The following ADCY4 variants were observed in gnomAD, a reference collection of about 807,000 sequenced individuals.
ADCY4 encodes adenylate cyclase type 4.
In ADCY4, 111 loss-of-function variants were observed where a neutral mutation model predicts 125.5. The observed-to-expected ratio is 0.88, with a 90% CI of 0.76 to 1.04. The LOEUF is 1.04. ADCY4 is among the 50% of genes least tolerant of loss of function. The pLI, the probability that ADCY4 is intolerant of heterozygous loss-of-function variation, is 0.00. For synonymous variants in ADCY4, 576 were observed against 586.9 expected (o/e 0.98, Z 0.27); for missense variants, 1,256 against 1,382.9 (o/e 0.91, Z 1.46).
At position 24,332,963 on chromosome 14, in the gene ADCY4, A is replaced by T. The variant is rs2042070155; in HGVS notation, c.185T>A (p.Leu62Gln). 1 of 1,557,624 alleles carries T rather than the reference A, an allele frequency of 6.4e-7. No individual in the cohort carries two copies. The highest frequency in any genetic ancestry group is 1.4e-5 in the African/African-American group (1 of 73,430). The change falls in exon 2 of 25, where the codon CTG becomes CAG. Residue 62 changes from leucine to glutamine, a missense_variant. Leu to Gln is a moderately radical substitution (Grantham distance 113, BLOSUM62 -2). Transcript: ENST00000418030. Reference protein sequence around the residue: ...GRELTSDPSFLTTVLCALGGF... With the variant: ...GRELTSDPSFQTTVLCALGGF... ...GCCCAGCGCGCACAGCACAGTGGTC[A>T]GGAAGCTCGGGTCTGAGGTCAGCTC...
At position 24,334,803 on chromosome 14, in the gene ADCY4, C is replaced by G; in HGVS notation, c.-151G>C. On this transcript the variant is annotated 5_prime_UTR_variant, in exon 1 of 25. Transcript: ENST00000418030. ...CTCGTGGCAATCCCGTCTCCTTTTT[C>G]AGGCCCTCCCTGCGGCCTCCCAGCC... The G allele has an allele frequency of 1.6e-6, 1 of 639,226 alleles. No individual in the cohort carries two copies. Among genetic ancestry groups the G allele is most frequent in the Non-Finnish European group, 2.6e-6 (1 of 383,290 alleles). The allele number at this position is 639,226 out of a possible 1,614,324, so 39.6% of individuals were successfully genotyped here. A position where few individuals can be genotyped will look rare whatever the true frequency, so the allele number is the denominator to read the frequency against.
chr14:24,334,343 C>T, intron 1 of ADCY4, 151 bp downstream of exon 1: 1 of 1,339,270 alleles, frequency 7.5e-7, no homozygotes, highest in Non-Finnish European at 9.8e-7. Flanking sequence ...GAGTGACTTG[C>T]CCAGGGTCAC....
rs1594674299 is a variant in ADCY4 at position 24,334,877 on chromosome 14, C to T, written c.-225G>A. On this transcript the variant is annotated 5_prime_UTR_variant, in exon 1 of 25. Coordinates refer to ENST00000418030, the MANE Select transcript of ADCY4 (RefSeq NM_001198568.2). ...ATCCCTCAGTCCTTTCCTCCTCCTCCCTCAAACCCGGATTGTAGAGGTGCC... is the reference window on the plus strand; with the variant it reads ...ATCCCTCAGTCCTTTCCTCCTCCTCTCTCAAACCCGGATTGTAGAGGTGCC... 11 of 529,364 alleles carry T rather than the reference C, an allele frequency of 2.1e-5. No individual in the cohort carries two copies. The South Asian group carries it at 2.8e-4, about 13-fold the overall frequency. The allele number at this position is 529,364 out of a possible 1,614,324, so 32.8% of individuals were successfully genotyped here.
chr14:24,321,749 T>C (rs2041855330), intron 20 of ADCY4: 3 of 1,038,200 alleles, frequency 2.9e-6, no homozygotes, highest in South Asian at 4.2e-5. Context: ...CAACAGGTCA[T>C]GGACTAGTAT....
chr14:24,330,822 T>G, intron 6 of ADCY4, 196 bp downstream of exon 6: 1 of 571,142 alleles, frequency 1.8e-6, no homozygotes, highest in Non-Finnish European at 3.1e-6. Flanking sequence ...GGGATCTCTG[T>G]AGGTTTGAGG....
Position 24,319,993 on chromosome 14 carries a change from GT to G in ADCY4, c.2587-106del. On this transcript the variant is annotated intron_variant, in intron 20 of 24. Transcript: ENST00000418030. The surrounding 1 kb of genome is among the most constrained non-coding windows in gnomAD (Gnocchi z 4.5). The stretch of plus-strand genomic sequence containing the variant: ...CCATGTCCACACTCCTGGTCTCCCT[GT>G]TTAAGAAGAATTGGGAAGGAGGGAG... The G allele has an allele frequency of 7.2e-7, 1 of 1,381,190 alleles. No homozygotes were observed. The highest frequency in any genetic ancestry group is 9.8e-7 in the Non-Finnish European group (1 of 1,024,012). The allele number at this position is 1,381,190 out of a possible 1,614,324, so 85.6% of individuals were successfully genotyped here.
intron 20 of ADCY4, chr14:24,321,666 T>C (rs1170965323): frequency 6.1e-6 from 2 of 330,260 alleles, no homozygotes; most frequent in Non-Finnish European, 8.8e-6. Flanking sequence ...ATGCTGCTAC[T>C]GATCTGACAA....
chr14:24,330,358 T>C (rs770126918), intron 6 of ADCY4, 63 bp from the exon 7 acceptor site: 252 of 1,603,312 alleles, frequency 1.6e-4, no homozygotes, highest in South Asian at 1.5e-4. Context: ...TAGGAGGGAG[T>C]TGGGAAAAGT....
intron 19 of ADCY4, 122 bp downstream of exon 19, chr14:24,322,502 A>T (rs1225909829): frequency 9.3e-7 from 1 of 1,074,056 alleles, no homozygotes; most frequent in Non-Finnish European, 1.3e-6. Context: ...GAAGAAAGGA[A>T]GCAGGAAGGC....
intron 3 of ADCY4, 147 bp from the exon 4 acceptor site, chr14:24,332,084 A>ACCACTTG: frequency 9.5e-7 from 1 of 1,057,096 alleles, no homozygotes; most frequent in South Asian, 2.4e-5. Context: ...ACACTGTGGC[A>ACCACTTG]TCCCTAGGGA....
Position 24,318,722 on chromosome 14 carries a change from CAT to C in ADCY4, c.3011_3012del (p.Tyr1004Ter). ...ACGTTCACTGTGTTGCCCCAAATGTCATATTGCGGCTTCTGGGCCCCAATAAC... is the reference window on the plus strand; with the variant it reads ...ACGTTCACTGTGTTGCCCCAAATGTCATTGCGGCTTCTGGGCCCCAATAAC... ...AGVIGAQKPQ[Y>X]DIWGNTVNVA... On this transcript the variant is annotated frameshift_variant, in exon 24 of 25. Coordinates refer to ENST00000418030, the MANE Select transcript of ADCY4 (RefSeq NM_001198568.2). LOFTEE classifies it high-confidence loss of function. 6.2e-7 allele frequency: 1 copy of C among 1,614,174 alleles called. No individual in the cohort carries two copies.
chr14:24,329,150 T>A lies in ADCY4; in HGVS notation c.1435A>T (p.Thr479Ser), dbSNP rs1395928021. The change falls in exon 10 of 25, where the codon ACC (threonine) becomes TCC (serine). Residue 479 changes from threonine (T) to serine (S), a missense_variant. Transcript: ENST00000418030. ...GCGCCCCAGGACTCCAGGTAACGGG[T>A]CATCAGCAGTGATGGACGCATCTTG... Reference protein sequence around the residue: ...GLKMRPSLLMTRYLESWGAAK... With the variant: ...GLKMRPSLLMSRYLESWGAAK... 2.5e-6 allele frequency: 4 copies of A among 1,613,578 alleles called. No individual in the cohort carries two copies. The Admixed American group carries it at 6.7e-5, about 27-fold the overall frequency.
chr14:24,332,485 C>A (rs1437990246), intron 3 of ADCY4, 37 bp downstream of exon 3: 2 of 1,546,016 alleles, frequency 1.3e-6, no homozygotes, highest in African/African-American at 1.4e-5. Context: ...CGTGGCAGAG[C>A]CGTCCTGAGC....
intron 20 of ADCY4, among the ~76,000 whole-genome samples, chr14:24,321,248 T>TA (rs199898653): frequency 7.6e-5 from 5 of 66,186 alleles, no homozygotes; most frequent in African/African-American, 1.8e-4. Flanking sequence ...CTGTCTCTAC[T>TA]AAAAAAAAAA....
At chr14:24,320,071 A>G (rs1361035667) in intron 20 of ADCY4, among the ~76,000 whole-genome samples, 183 bp from the exon 21 acceptor site, 1 of 152,140 alleles carries the variant, frequency 6.6e-6, no homozygotes, top group African/African-American at 2.4e-5. Context: ...CAAAGCTTAG[A>G]TCTCATTGTA....
chr14:24,326,443 T>A (rs993795930), intron 10 of ADCY4, 101 bp from the exon 11 acceptor site: 34 of 1,418,830 alleles, frequency 2.4e-5, no homozygotes, highest in East Asian at 2.3e-5. Context: ...TCTTTGACCT[T>A]GGGCATTTCA....
Position 24,329,870 on chromosome 14 carries a change from C to T in ADCY4, c.1207G>A (p.Gly403Ser), listed in dbSNP as rs199942560. 11 of 1,613,518 alleles carry T rather than the reference C, an allele frequency of 6.8e-6. No homozygotes were observed. Among genetic ancestry groups the T allele is most frequent in the East Asian group, 6.7e-5 (3 of 44,874 alleles). The change falls in exon 8 of 25, where the codon GGT becomes AGT. Residue 403 changes from glycine (G) to serine (S), a missense_variant. Physicochemically the swap from Gly to Ser is moderately conservative, Grantham distance 56. Coordinates refer to ENST00000418030, the MANE Select transcript of ADCY4 (RefSeq NM_001198568.2). ...GGCCCTAGGTCTCACCCTGGTACAC[C>T]GCCTGCCTCCATGTGGTTAGCCAGT... ...VTLANHMEAG[G>S]VPGRVHITGA... is the part of the protein sequence containing the mutation.
At position 24,331,032 on chromosome 14, in the gene ADCY4, C is replaced by T. The variant is rs369609573; in HGVS notation, c.916G>A (p.Asp306Asn). 1.0e-5 allele frequency: 16 copies of T among 1,607,536 alleles called. No homozygotes were observed. The highest frequency in any genetic ancestry group is 1.1e-5 in the Non-Finnish European group (13 of 1,175,224). ...LMLNELFGKF[D>N]QIAKEHECMR... is the part of the protein sequence containing the mutation. ...TCTTCTCTGACCTTGGCAATCTGGT[C>T]GAACTTGCCAAAGAGCTCATTGAGC... The change falls in exon 6 of 25, where the codon GAC becomes AAC. Residue 306 changes from aspartate to asparagine, a missense_variant. Transcript: ENST00000418030.
At chr14:24,323,486 G>A (rs2041889237) in intron 16 of ADCY4, 32 bp from the exon 17 acceptor site, 1 of 1,550,496 alleles carries the variant, frequency 6.4e-7, no homozygotes, top group Admixed American at 2.0e-5. Context: ...GAAGAGGCAG[G>A]TAGCTTCTTG....
Sources: allele counts gnomAD v4.1 joint callset (sites outside exome capture counted in the v4.1 genomes callset), GRCh38; gene constraint gnomAD v4.1.1; non-coding constraint Gnocchi (gnomAD v3.1); transcripts MANE v1.5; gene names NCBI Gene and HGNC (gene_info 2026-07-23, HGNC 2026-07-21).